Variants in WWOX observed in about 807,000 individuals in gnomAD.
WWOX encodes WW domain-containing oxidoreductase.
WWOX carries 69 observed loss-of-function variants against 46.2 expected under a neutral mutation model. The observed-to-expected ratio is 1.49, with a 90% confidence interval of 1.23 to 1.82. The LOEUF is 1.82. Ranked by LOEUF, WWOX falls within the 40% of genes most tolerant of loss-of-function variation. The pLI is 0.00. For missense variants in WWOX, 919 were observed against 542.6 expected (o/e 1.69, Z -6.89); for synonymous variants, 359 against 202.6 (o/e 1.77, Z -6.56).
rs563309705 is a variant in WWOX, at chr16:78,218,575, T to G, written c.516+54286T>G. On this transcript the variant is annotated intron_variant, in intron 5 of 8. Transcript: ENST00000566780. ...ACCCACAGGAAAACTATTCTCCTTC[T>G]TCTAAGGAAAAAAAAAATGTCACGA... is the stretch of plus-strand genomic sequence containing the variant. Among the ~76,000 whole-genome samples the G allele has an allele frequency of 5.3e-5, 8 of 152,288 alleles. No individual in the cohort carries two copies. In the South Asian group the frequency reaches 6.2e-4, roughly 12 times the overall value.
chr16:78,741,373 C>T (rs8055366), intron 8 of WWOX, among the ~76,000 whole-genome samples: 1,916 of 152,122 alleles, frequency 0.013, 120 homozygotes, highest in Admixed American at 0.1. Flanking sequence ...TCAGCCGGGC[C>T]AACCTGGTGA....
intron 6 of WWOX, among the ~76,000 whole-genome samples, chr16:78,387,931 G>A (rs1443830122): frequency 6.6e-6 from 1 of 152,076 alleles, no homozygotes; most frequent in African/African-American, 2.4e-5. Flanking sequence ...GTTAGGCTCT[G>A]TTGGGAACAT....
intron 8 of WWOX, among the ~76,000 whole-genome samples, chr16:78,714,771 A>G (rs1305822197): frequency 6.6e-6 from 1 of 152,184 alleles, no homozygotes; most frequent in Non-Finnish European, 1.5e-5. Context: ...AGAGGTGTGC[A>G]TGGGTCTGAT....
At chr16:79,023,258 G>A (rs1480116024) in intron 8 of WWOX, among the ~76,000 whole-genome samples, 2 of 152,156 alleles carry the variant, frequency 1.3e-5, no homozygotes, top group Non-Finnish European at 2.9e-5. Flanking sequence ...AAGAATTACT[G>A]TTCTCCCTTT....
intron 8 of WWOX, among the ~76,000 whole-genome samples, chr16:78,874,276 C>G (rs1272116459): frequency 6.7e-6 from 1 of 148,968 alleles, no homozygotes; most frequent in Admixed American, 6.7e-5. Flanking sequence ...AAAAAAGCTT[C>G]CATTTGAGCC....
intron 8 of WWOX, among the ~76,000 whole-genome samples, chr16:79,135,165 G>A (rs1054444902): frequency 1.3e-5 from 2 of 151,916 alleles, no homozygotes; most frequent in African/African-American, 4.8e-5. Flanking sequence ...AATAACCACT[G>A]TTGACAGTGT....
At chr16:78,507,743 A>T (rs538816145) in intron 8 of WWOX, among the ~76,000 whole-genome samples, 2 of 152,134 alleles carry the variant, frequency 1.3e-5, no homozygotes, top group South Asian at 4.1e-4. Flanking sequence ...GAGGAAACAC[A>T]GTCTTACTGT....
At chr16:79,142,997 C>T (rs921846280) in intron 8 of WWOX, among the ~76,000 whole-genome samples, 8 of 152,094 alleles carry the variant, frequency 5.3e-5, no homozygotes, top group Admixed American at 4.6e-4. Context: ...AGCTACCACA[C>T]CCAGCCATTT....
intron 8 of WWOX, among the ~76,000 whole-genome samples, chr16:78,452,848 T>C (rs1165145982): frequency 6.6e-6 from 1 of 151,528 alleles, no homozygotes; most frequent in Non-Finnish European, 1.5e-5. Context: ...ATGGCTGCTA[T>C]TGTTTTCCAG....
chr16:79,119,925 C>G (rs1020450626), intron 8 of WWOX, among the ~76,000 whole-genome samples: 1 of 152,052 alleles, frequency 6.6e-6, no homozygotes, highest in African/African-American at 2.4e-5. Context: ...GGAGAACTGC[C>G]TTATGTACAG....
At chr16:78,757,476 C>G (rs1265351301) in intron 8 of WWOX, among the ~76,000 whole-genome samples, 1 of 152,060 alleles carries the variant, frequency 6.6e-6, no homozygotes, top group Non-Finnish European at 1.5e-5. Flanking sequence ...CAAATACCAT[C>G]TAGGACCCTG....
intron 5 of WWOX, among the ~76,000 whole-genome samples, chr16:78,172,173 G>A (rs1423722207): frequency 1.3e-5 from 2 of 152,122 alleles, no homozygotes; most frequent in Non-Finnish European, 2.9e-5. Context: ...GCATTTATTT[G>A]TATGAATACT....
chr16:79,069,954 G>A (rs2048517421), intron 8 of WWOX, among the ~76,000 whole-genome samples: 1 of 152,116 alleles, frequency 6.6e-6, no homozygotes, highest in Admixed American at 6.5e-5. Flanking sequence ...ACATATTTAA[G>A]GATGTTCAAG....
At chr16:78,364,036 G>C (rs962760488) in intron 5 of WWOX, among the ~76,000 whole-genome samples, 1 of 152,132 alleles carries the variant, frequency 6.6e-6, no homozygotes, top group South Asian at 2.1e-4. Flanking sequence ...TCTTGGCCCC[G>C]TGCCACATCC....
At chr16:78,518,928 T>G (rs1020325430) in intron 8 of WWOX, among the ~76,000 whole-genome samples, 10 of 152,242 alleles carry the variant, frequency 6.6e-5, no homozygotes, top group African/African-American at 2.2e-4. Flanking sequence ...AGCTGTGGTC[T>G]TCTGAAGTAT....
intron 8 of WWOX, among the ~76,000 whole-genome samples, chr16:78,481,334 G>A (rs2084480680): frequency 6.6e-6 from 1 of 152,128 alleles, no homozygotes. Context: ...TTGGTTTTCA[G>A]TGCTCAGCTG....
At chr16:79,172,965 G>A (rs1304624669) in intron 8 of WWOX, among the ~76,000 whole-genome samples, 1 of 152,190 alleles carries the variant, frequency 6.6e-6, no homozygotes, top group East Asian at 1.9e-4. Flanking sequence ...AGGCTGCAGT[G>A]AACCATGATG....
chr16:78,959,328 A>G (rs76251075), intron 8 of WWOX, among the ~76,000 whole-genome samples: 1,793 of 152,364 alleles, frequency 0.012, 30 homozygotes, highest in African/African-American at 0.04. Context: ...ATCTGCTGCC[A>G]GCCAAGTGCT....
At chr16:79,139,054 C>G (rs539972584) in intron 8 of WWOX, among the ~76,000 whole-genome samples, 2 of 152,120 alleles carry the variant, frequency 1.3e-5, no homozygotes, top group Admixed American at 6.5e-5. Context: ...GATAGATGGT[C>G]CCCCCTCAGC....
Sources: gnomAD v4.1 joint callset for allele counts (sites outside exome capture counted in the v4.1 genomes callset) on GRCh38, gnomAD v4.1.1 for gene constraint, MANE v1.5 for transcripts, NCBI Gene and HGNC (gene_info 2026-07-23, HGNC 2026-07-21) for gene names.